The following STRBP variants were observed in gnomAD, a reference collection of about 807,000 sequenced individuals.
The protein encoded by STRBP is spermatid perinuclear RNA binding protein.
In STRBP, 13 loss-of-function variants were observed where a neutral mutation model predicts 80.1. That is an observed-to-expected ratio of 0.16 (90% CI 0.11 to 0.26). The LOEUF (loss-of-function observed/expected upper bound fraction) is 0.26. STRBP is among the 10% of genes least tolerant of loss of function. STRBP has a pLI of 1.00. For missense variants in STRBP, 485 were observed against 815.2 expected (o/e 0.59, Z 4.93); for synonymous variants, 284 against 291.2 (o/e 0.98, Z 0.25).
intron 11 of STRBP, among the ~76,000 whole-genome samples, chr9:123,150,124 C>T (rs988940110): frequency 2.6e-5 from 4 of 152,112 alleles, no homozygotes; most frequent in Non-Finnish European, 5.9e-5. Flanking sequence ...GAAAAATAAA[C>T]AGCAACTACA....
In STRBP at chr9:123,126,490, T is replaced by C. The variant is rs2035898287; in HGVS notation, c.1943-817A>G. On this transcript the variant is annotated intron_variant, in intron 18 of 18. Transcript: ENST00000348403. This position sits in a 1 kb window ranked among gnomAD's most constrained non-coding sequence, Gnocchi z 4.4. The stretch of plus-strand genomic sequence containing the variant: ...AAATTTCACCAGCTTTGGAAGTCAG[T>C]TATATGGCACGTGGAAGAGAGGAGC... Among the ~76,000 whole-genome samples, 1 of 152,054 alleles carries C rather than the reference T, an allele frequency of 6.6e-6. No individual in the cohort carries two copies. Among genetic ancestry groups the C allele is most frequent in the Non-Finnish European group, 1.5e-5 (1 of 68,016 alleles).
At chr9:123,209,880 C>T (rs1169724683) in intron 2 of STRBP, among the ~76,000 whole-genome samples, 1 of 152,082 alleles carries the variant, frequency 6.6e-6, no homozygotes, top group Non-Finnish European at 1.5e-5. Context: ...CAAATTTATT[C>T]ATATATATAA....
intron 2 of STRBP, among the ~76,000 whole-genome samples, chr9:123,209,114 ATTCTG>A (rs1327380094): frequency 6.6e-6 from 1 of 152,182 alleles, no homozygotes; most frequent in Non-Finnish European, 1.5e-5. Context: ...TCCCACATAT[ATTCTG>A]TTAAGTTTCA....
chr9:123,188,224 T>C (rs1304854418), intron 2 of STRBP, among the ~76,000 whole-genome samples: 4 of 152,212 alleles, frequency 2.6e-5, no homozygotes, highest in Non-Finnish European at 5.9e-5. Flanking sequence ...TGCTGAATAA[T>C]ATTCTGTTGT....
intron 2 of STRBP, among the ~76,000 whole-genome samples, chr9:123,207,407 A>G (rs2039556639): frequency 6.6e-6 from 1 of 152,268 alleles, no homozygotes; most frequent in Admixed American, 6.5e-5. Context: ...GCAGAATAGC[A>G]TGAACAAAGT....
intron 2 of STRBP, among the ~76,000 whole-genome samples, chr9:123,233,785 T>C (rs1352638653): frequency 6.6e-6 from 1 of 152,168 alleles, no homozygotes; most frequent in African/African-American, 2.4e-5. Context: ...TGCCATGAAA[T>C]GGGAATTCAA....
chr9:123,263,949 G>T (rs1038018064), intron 1 of STRBP, among the ~76,000 whole-genome samples: 3 of 152,248 alleles, frequency 2.0e-5, no homozygotes, highest in African/African-American at 7.2e-5. Flanking sequence ...GGAGGCCGAG[G>T]CGGGTGGATC....
chr9:123,242,734 C>A (rs2040721221), intron 1 of STRBP, among the ~76,000 whole-genome samples: 1 of 151,914 alleles, frequency 6.6e-6, no homozygotes, highest in Admixed American at 6.6e-5. Flanking sequence ...TTTTTAACAC[C>A]AAAAAGGGAG....
intron 2 of STRBP, among the ~76,000 whole-genome samples, chr9:123,222,061 C>T (rs571871524): frequency 6.6e-6 from 1 of 152,228 alleles, no homozygotes; most frequent in East Asian, 1.9e-4. Context: ...ACATTTATCA[C>T]CTGGCAATCT....
rs949688180 is a variant in STRBP, at chr9:123,239,113, C to T, written c.-301-2147G>A. On this transcript the variant is annotated intron_variant, in intron 1 of 18. Transcript: ENST00000348403. ...TGCCTAGGCTGGGCGCGGTAGCTCA[C>T]GCCTGTAATCCCAGCACTCTGGGAG... Among the ~76,000 whole-genome samples, 5 of 152,154 alleles carry T rather than the reference C, an allele frequency of 3.3e-5. No individual in the cohort carries two copies. In the East Asian group the frequency reaches 5.8e-4, roughly 18 times the overall value.
intron 2 of STRBP, among the ~76,000 whole-genome samples, chr9:123,208,697 T>A (rs1318560716): frequency 6.6e-6 from 1 of 152,028 alleles, no homozygotes; most frequent in Non-Finnish European, 1.5e-5. Flanking sequence ...GCCTGGGAGG[T>A]CTCTCAATTG....
At chr9:123,206,055 C>T (rs1180923476) in intron 2 of STRBP, among the ~76,000 whole-genome samples, 1 of 152,130 alleles carries the variant, frequency 6.6e-6, no homozygotes, top group Non-Finnish European at 1.5e-5. Flanking sequence ...ATTACAGTTC[C>T]GGCTCGACTC....
At chr9:123,245,748 C>G (rs925001250) in intron 1 of STRBP, among the ~76,000 whole-genome samples, 1 of 152,192 alleles carries the variant, frequency 6.6e-6, no homozygotes, top group Non-Finnish European at 1.5e-5. Flanking sequence ...GAATCAGTAT[C>G]CTCCAGAGCT....
At chr9:123,238,338 G>A (rs952286952) in intron 1 of STRBP, among the ~76,000 whole-genome samples, 2 of 152,306 alleles carry the variant, frequency 1.3e-5, no homozygotes, top group African/African-American at 2.4e-5. Context: ...AGGTGATCAC[G>A]TATCAATAAG....
At chr9:123,246,765 G>T (rs371564146) in intron 1 of STRBP, among the ~76,000 whole-genome samples, 2 of 152,238 alleles carry the variant, frequency 1.3e-5, no homozygotes, top group East Asian at 3.9e-4. Context: ...TAAAATATTG[G>T]CTGACTGCCA....
At position 123,123,815 on chromosome 9, in the gene STRBP, C is replaced by T. The variant is rs1404763782; in HGVS notation, c.*1782G>A. 1 of 985,322 alleles carries T rather than the reference C, an allele frequency of 1.0e-6. No individual in the cohort carries two copies. The highest frequency in any genetic ancestry group is 1.2e-6 in the Non-Finnish European group (1 of 829,940). The allele number at this position is 985,322 out of a possible 1,614,324, so 61.0% of individuals were successfully genotyped here. ...TTAATTAATAAAAACTGGACACTAT[C>T]AGCCATGCTTTTTCTTCTCAGTGAT... On this transcript the variant is annotated 3_prime_UTR_variant, in exon 19 of 19. Coordinates refer to ENST00000348403, the MANE Select transcript of STRBP (RefSeq NM_018387.5).
intron 2 of STRBP, among the ~76,000 whole-genome samples, chr9:123,236,276 C>A (rs1261579498): frequency 6.6e-6 from 1 of 152,086 alleles, no homozygotes; most frequent in African/African-American, 2.4e-5. Context: ...AAGAAAAAAA[C>A]ATTAAGTGCC....
chr9:123,129,938 G>A (rs546114462), intron 17 of STRBP, among the ~76,000 whole-genome samples: 1 of 152,308 alleles, frequency 6.6e-6, no homozygotes, highest in African/African-American at 2.4e-5. Context: ...AGGAAGAGGA[G>A]ACAGATCAGA....
chr9:123,192,503 A>G (rs2038958247), intron 2 of STRBP, among the ~76,000 whole-genome samples: 1 of 152,164 alleles, frequency 6.6e-6, no homozygotes, highest in Admixed American at 6.5e-5. Context: ...GGGAGGCTGA[A>G]GTAGGAGGAT....
Sources: allele counts gnomAD v4.1 joint callset (sites outside exome capture counted in the v4.1 genomes callset), GRCh38; gene constraint gnomAD v4.1.1; non-coding constraint Gnocchi (gnomAD v3.1); transcripts MANE v1.5; gene names NCBI Gene and HGNC (gene_info 2026-07-23, HGNC 2026-07-21).